Variants in MTCL2 observed in about 807,000 individuals in gnomAD.
MTCL2 encodes microtubule cross-linking factor 2.
At chr20:36,797,463 C>A in the MTCL2 span, 1 of 1,549,348 alleles carries the variant, frequency 6.5e-7, no homozygotes, top group Non-Finnish European at 8.7e-7. Context: ...ATGGTGCAGC[C>A]AGGAGCCAAG....
chr20:36,858,337 CACACACACACACACT>C, the MTCL2 span, among the ~76,000 whole-genome samples: 6 of 123,688 alleles, frequency 4.9e-5, 1 homozygote, highest in African/African-American at 1.9e-4. Flanking sequence ...CACACACACA[CACACACACACACACT>C]GGCTGCACTT....
At chr20:36,800,461 G>C in the MTCL2 span, among the ~76,000 whole-genome samples, 2 of 152,210 alleles carry the variant, frequency 1.3e-5, no homozygotes, top group East Asian at 1.9e-4. Flanking sequence ...CCTAGCAAGT[G>C]TGAACCTCAA....
the MTCL2 span, among the ~76,000 whole-genome samples, chr20:36,805,625 C>G: frequency 4.4e-3 from 672 of 152,296 alleles, 8 homozygotes; most frequent in African/African-American, 0.015. Context: ...TCATCCATGA[C>G]CCCTTCACCG....
the MTCL2 span, among the ~76,000 whole-genome samples, chr20:36,858,350 ACT>A: frequency 1.7e-5 from 2 of 114,586 alleles, no homozygotes; most frequent in African/African-American, 3.5e-5. Flanking sequence ...ACACACACAC[ACT>A]GGCTGCACTT....
the MTCL2 span, among the ~76,000 whole-genome samples, chr20:36,823,372 C>T: frequency 2.0e-5 from 3 of 152,118 alleles, no homozygotes; most frequent in African/African-American, 7.2e-5. Flanking sequence ...AAGACAAATG[C>T]TTCTCCAGAC....
chr20:36,858,428 C>T, the MTCL2 span, among the ~76,000 whole-genome samples: 1 of 69,656 alleles, frequency 1.4e-5, no homozygotes, highest in Non-Finnish European at 2.7e-5. Flanking sequence ...ACACTGGCTG[C>T]ACTTCACTCA....
At chr20:36,803,049 G>A in the MTCL2 span, 1 of 1,607,696 alleles carries the variant, frequency 6.2e-7, no homozygotes, top group Non-Finnish European at 8.5e-7. Flanking sequence ...CCGCTGTAGG[G>A]CTGCCTTCCA....
At chr20:36,795,301 G>C in the MTCL2 span, among the ~76,000 whole-genome samples, 1 of 152,066 alleles carries the variant, frequency 6.6e-6, no homozygotes, top group Non-Finnish European at 1.5e-5. Flanking sequence ...TGTTGCCCAG[G>C]CTGGTCTCAA....
the MTCL2 span, among the ~76,000 whole-genome samples, chr20:36,857,713 A>G: frequency 6.6e-6 from 1 of 152,260 alleles, no homozygotes; most frequent in East Asian, 1.9e-4. Context: ...GAAGAGCTAC[A>G]TGCAGAAGCC....
chr20:36,852,186 G>A, the MTCL2 span, among the ~76,000 whole-genome samples: 16 of 152,166 alleles, frequency 1.1e-4, no homozygotes, highest in Non-Finnish European at 2.2e-4. Flanking sequence ...ACAGAGGAAC[G>A]GGAGCCTCCG....
chr20:36,815,366 G>C, the MTCL2 span: 3 of 1,613,658 alleles, frequency 1.9e-6, no homozygotes, highest in Non-Finnish European at 2.5e-6. The surrounding 1 kb of genome is among the most constrained non-coding windows in gnomAD (Gnocchi z 5.3). Context: ...CATGCAGCCG[G>C]AAGTCAGCAC....
the MTCL2 span, chr20:36,863,007 G>A: frequency 1.4e-6 from 2 of 1,400,952 alleles, no homozygotes; most frequent in South Asian, 1.4e-5. The surrounding 1 kb of genome is among the most constrained non-coding windows in gnomAD (Gnocchi z 6.2). Flanking sequence ...GAGGCTGGGG[G>A]GCGGCGGTGG....
the MTCL2 span, among the ~76,000 whole-genome samples, chr20:36,821,693 G>A: frequency 6.6e-6 from 1 of 152,130 alleles, no homozygotes; most frequent in African/African-American, 2.4e-5. Flanking sequence ...ACTCCAGCCT[G>A]GGCAACAGAG....
chr20:36,851,171 TGTATTTGTATA>T, the MTCL2 span, among the ~76,000 whole-genome samples: 546 of 152,318 alleles, frequency 3.6e-3, 3 homozygotes, highest in Non-Finnish European at 5.4e-3. Context: ...TTTTATTGTA[TGTATTTGTATA>T]ATATATTGTA....
the MTCL2 span, among the ~76,000 whole-genome samples, chr20:36,843,522 A>G: frequency 6.6e-6 from 1 of 151,836 alleles, no homozygotes; most frequent in African/African-American, 2.4e-5. Flanking sequence ...GGAACAGTAA[A>G]TGATCACACC....
At chr20:36,849,670 T>C in the MTCL2 span, among the ~76,000 whole-genome samples, 1 of 152,154 alleles carries the variant, frequency 6.6e-6, no homozygotes, top group Non-Finnish European at 1.5e-5. Context: ...TAAATCACAC[T>C]TTAAGTGTTC....
the MTCL2 span, among the ~76,000 whole-genome samples, chr20:36,829,914 G>A: frequency 6.8e-4 from 104 of 152,230 alleles, 1 homozygote; most frequent in African/African-American, 2.4e-3. Context: ...CAGGAGAATT[G>A]CTTGAACCAG....
At chr20:36,854,817 T>G in the MTCL2 span, among the ~76,000 whole-genome samples, 1 of 152,108 alleles carries the variant, frequency 6.6e-6, no homozygotes, top group Non-Finnish European at 1.5e-5. Flanking sequence ...CATTTGAGAA[T>G]GAGGGGCCGC....
chr20:36,785,587 G>A, the MTCL2 span: 70 of 985,282 alleles, frequency 7.1e-5, no homozygotes, highest in Non-Finnish European at 8.2e-5. Context: ...CAGTGGAGAT[G>A]TAGTGCCTGC....
Sources: gnomAD v4.1 joint callset for allele counts (sites outside exome capture counted in the v4.1 genomes callset) on GRCh38, gnomAD v4.1.1 for gene constraint, Gnocchi (gnomAD v3.1) non-coding constraint, MANE v1.5 for transcripts, NCBI Gene and HGNC (gene_info 2026-07-23, HGNC 2026-07-21) for gene names.